Variants in TRIM34 observed in about 807,000 individuals in gnomAD.
TRIM34 encodes the protein E3 ubiquitin-protein ligase TRIM34.
Under a neutral mutation model 38.1 loss-of-function variants are expected in TRIM34, and 41 were observed. The ratio of observed to expected loss-of-function variants is 1.08; its 90% CI spans 0.84 to 1.40. The LOEUF is 1.40. Ranked by LOEUF, TRIM34 falls within the 40% of genes most tolerant of loss-of-function variation. The pLI is 0.00. For synonymous variants in TRIM34, 200 were observed against 202.5 expected (o/e 0.99, Z 0.10); for missense variants, 556 against 571.4 (o/e 0.97, Z 0.27).
chr11:5,643,454 T>G lies in TRIM34; in HGVS notation c.1212T>G (p.Asn404Lys), dbSNP rs16933844. ...GCTACTGGGTTATAGGGTTACAGAA[T>G]AAATGTAAGTATGGTGTCTTTGAAG... is the stretch of plus-strand genomic sequence containing the variant. ...LFGYWVIGLQ[N>K]KCKYGVFEES... Residue 404 changes from asparagine to lysine, a missense_variant, in exon 8 of 8, where the codon AAT becomes AAG. Asn to Lys is a moderately conservative substitution (Grantham distance 94). Transcript: ENST00000429814. 0.043 allele frequency: 68,605 copies of G among 1,614,122 alleles called. 1,904 individuals are homozygous for G. The highest frequency in any genetic ancestry group is 0.1 in the African/African-American group (7,639 of 75,004).
intron 4 of TRIM34, among the ~76,000 whole-genome samples, chr11:5,640,715 A>T (rs1248333902): frequency 1.3e-5 from 2 of 152,130 alleles, no homozygotes; most frequent in Non-Finnish European, 2.9e-5. Context: ...TAACTTATGA[A>T]GTTTTGATAT....
chr11:5,629,949 G>A (rs1849411388), intron 1 of TRIM34, among the ~76,000 whole-genome samples: 1 of 152,038 alleles, frequency 6.6e-6, no homozygotes, highest in South Asian at 2.1e-4. Flanking sequence ...CTCGTGATCC[G>A]CCTGCCTCGG....
chr11:5,624,452 G>A (rs1849115966), upstream of TRIM34, among the ~76,000 whole-genome samples: 1 of 152,168 alleles, frequency 6.6e-6, no homozygotes, highest in African/African-American at 2.4e-5. Flanking sequence ...TGGTACTTTG[G>A]TAGGTAGCAC....
chr11:5,642,854 G>A lies in TRIM34; in HGVS notation c.901+11G>A. 1 of 1,613,760 alleles carries A rather than the reference G, an allele frequency of 6.2e-7. No individual in the cohort carries two copies. The highest frequency in any genetic ancestry group is 1.3e-5 in the African/African-American group (1 of 75,020). On this transcript the variant is annotated intron_variant, in intron 7 of 7. Coordinates refer to ENST00000429814, the MANE Select transcript of TRIM34 (RefSeq NM_021616.6). ...TCCGGTGCTACTGGGGTAAGAAAAA[G>A]TTAGTCTTTAAATAACTGTTTTCCA...
intron 5 of TRIM34, 145 bp from the exon 6 acceptor site, chr11:5,642,261 G>A (rs959063596): frequency 1.6e-6 from 1 of 619,424 alleles, no homozygotes; most frequent in Non-Finnish European, 2.7e-6. Flanking sequence ...TGGATCCAGG[G>A]TCCGGCTCTC....
rs1193396140 is a variant in TRIM34 at position 5,642,481 on chromosome 11, G to A, written c.849G>A (p.Leu283=). The A allele has an allele frequency of 6.2e-7, 1 of 1,614,002 alleles. No homozygotes were observed. Among genetic ancestry groups the A allele is most frequent in the East Asian group, 2.2e-5 (1 of 44,884 alleles). ...AGACTGTATTCCATGCTCCAGATCT[G>A]AGTAGGATGCTGCAAATGTTTAGAG... is the stretch of plus-strand genomic sequence containing the variant. ...KLKTVFHAPD[L]SRMLQMFREL... Residue 283 remains leucine (L), a synonymous_variant, in exon 6 of 8, where the codon CTG becomes CTA. Coordinates refer to ENST00000429814, the MANE Select transcript of TRIM34 (RefSeq NM_021616.6).
At chr11:5,625,629 A>G (rs1336415110) in intron 1 of TRIM34, among the ~76,000 whole-genome samples, 1 of 152,112 alleles carries the variant, frequency 6.6e-6, no homozygotes, top group African/African-American at 2.4e-5. Context: ...ACGTATTCTT[A>G]GTCCTTGGCC....
Position 5,644,241 on chromosome 11 carries a change from T to C in TRIM34, c.*532T>C. The C allele has an allele frequency of 2.5e-6, 1 of 398,902 alleles. No homozygotes were observed. Among genetic ancestry groups the C allele is most frequent in the Non-Finnish European group, 4.4e-6 (1 of 226,278 alleles). The allele number at this position is 398,902 out of a possible 1,614,324, so 24.7% of individuals were successfully genotyped here. A position where few individuals can be genotyped will look rare whatever the true frequency, so the allele number is the denominator to read the frequency against. On this transcript the variant is annotated 3_prime_UTR_variant, in exon 8 of 8. Coordinates refer to ENST00000429814, the MANE Select transcript of TRIM34 (RefSeq NM_021616.6). The stretch of plus-strand genomic sequence containing the variant: ...CTTGCCTGTTGTTTTCTAATCATGA[T>C]GAATACTTTCTCAGTTTCTTTTTCC...
At position 5,634,725 on chromosome 11, in the gene TRIM34, T is replaced by G. The variant is rs768842652; in HGVS notation, c.614T>G (p.Leu205Trp). 10 of 1,614,008 alleles carry G rather than the reference T, an allele frequency of 6.2e-6. No homozygotes were observed. Residue 205 changes from leucine (L) to tryptophan (W), a missense_variant, in exon 4 of 8, where the codon TTG becomes TGG. By Grantham distance (61) the Leu-to-Trp change is moderately conservative. Coordinates refer to ENST00000429814, the MANE Select transcript of TRIM34 (RefSeq NM_021616.6). ...GAGGAGCAGAGAGAGCTGCAAAGAT[T>G]GGAAGAAGAAGAAAAGAAGACGCTG... ...NNEEQRELQRLEEEEKKTLDK... is the reference protein window; with the variant it reads ...NNEEQRELQRWEEEEKKTLDK...
chr11:5,633,682 C>T (rs1849590503), intron 2 of TRIM34, 122 bp from the exon 3 acceptor site: 3 of 915,474 alleles, frequency 3.3e-6, no homozygotes, highest in Non-Finnish European at 4.7e-6. Context: ...TTCTAATCAC[C>T]AGCTTCACAG....
chr11:5,638,298 G>A lies in TRIM34; in HGVS notation c.751-2869G>A, dbSNP rs545298594. ...TACAGTCAAAATATAGGGAAGAAAT[G>A]AGAATTAATAGGCACAGAGAGGCCA... On this transcript the variant is annotated intron_variant, in intron 4 of 7. Transcript: ENST00000429814. 1.2e-3 allele frequency among the ~76,000 whole-genome samples: 189 copies of A among 152,300 alleles called. 2 individuals carry two copies. The highest frequency in any genetic ancestry group is 4.1e-3 in the African/African-American group (170 of 41,568).
Position 5,632,410 on chromosome 11 carries a change from A to G in TRIM34, c.79A>G (p.Ser27Gly). The G allele has an allele frequency of 6.2e-7, 1 of 1,614,038 alleles. No homozygotes were observed. Among genetic ancestry groups the G allele is most frequent in the Non-Finnish European group, 8.5e-7 (1 of 1,179,998 alleles). ...ICLELLTEPL[S>G]LDCGHSLCRA... is the part of the protein sequence containing the mutation. ...CCTGGAGCTGTTGACAGAACCCTTG[A>G]GTCTAGACTGTGGCCACAGCCTCTG... is the stretch of plus-strand genomic sequence containing the variant. Residue 27 changes from serine (S) to glycine (G), a missense_variant, in exon 2 of 8, where the codon AGT (serine) becomes GGT (glycine). Physicochemically the swap from Ser to Gly is moderately conservative, Grantham distance 56. Transcript: ENST00000429814.
chr11:5,628,386 C>G (rs994008641), intron 1 of TRIM34, among the ~76,000 whole-genome samples: 22 of 152,244 alleles, frequency 1.4e-4, no homozygotes, highest in African/African-American at 5.3e-4. Flanking sequence ...AACTCCTTGT[C>G]TTACTAGTCA....
chr11:5,641,164 TA>T lies in TRIM34; in HGVS notation c.751-2del. The T allele has an allele frequency of 6.2e-7, 1 of 1,613,710 alleles. No individual in the cohort carries two copies. Among genetic ancestry groups the T allele is most frequent in the Non-Finnish European group, 8.5e-7 (1 of 1,179,786 alleles). On this transcript the variant is annotated splice_acceptor_variant, in intron 4 of 7. Transcript: ENST00000429814. LOFTEE classifies it high-confidence loss of function. ...TGACTCATGTTTTCTCTTTTCTTTC[TA>T]GGACATGAGTGGAATCATGAAATGG...
chr11:5,643,062 T>A, intron 7 of TRIM34, 82 bp from the exon 8 acceptor site: 1 of 1,279,546 alleles, frequency 7.8e-7, no homozygotes, highest in South Asian at 1.8e-5. Flanking sequence ...ATAAACCTAC[T>A]CCATATCTGT....
intron 4 of TRIM34, among the ~76,000 whole-genome samples, chr11:5,635,739 T>C (rs1849708635): frequency 1.3e-5 from 2 of 152,268 alleles, no homozygotes; most frequent in African/African-American, 4.8e-5. Context: ...TTGCTTTGTC[T>C]CTGGTGCTTA....
upstream of TRIM34, among the ~76,000 whole-genome samples, chr11:5,624,010 A>G (rs1294120491): frequency 6.6e-6 from 1 of 152,192 alleles, no homozygotes; most frequent in Non-Finnish European, 1.5e-5. Context: ...TTCCTCATGA[A>G]AATGGAGCAT....
chr11:5,639,931 G>A (rs1179309495), intron 4 of TRIM34, among the ~76,000 whole-genome samples: 1 of 152,138 alleles, frequency 6.6e-6, no homozygotes, highest in Non-Finnish European at 1.5e-5. Flanking sequence ...GTACATCAGA[G>A]TAAATGATGT....
At chr11:5,640,975 G>A (rs1849982033) in intron 4 of TRIM34, among the ~76,000 whole-genome samples, 192 bp from the exon 5 acceptor site, 1 of 151,862 alleles carries the variant, frequency 6.6e-6, no homozygotes. Flanking sequence ...CTTAAGGTCA[G>A]TAGTAATATC....
Sources: gnomAD v4.1 joint callset for allele counts (sites outside exome capture counted in the v4.1 genomes callset) on GRCh38, gnomAD v4.1.1 for gene constraint, MANE v1.5 for transcripts, NCBI Gene and HGNC (gene_info 2026-07-23, HGNC 2026-07-21) for gene names.